The following RICTOR variants were observed in gnomAD, a reference collection of about 807,000 sequenced individuals.
The protein encoded by RICTOR is RPTOR independent companion of MTOR complex 2, also known as rapamycin-insensitive companion of mTOR.
In RICTOR, 49 loss-of-function variants were observed where a neutral mutation model predicts 214.9. The ratio of observed to expected loss-of-function variants is 0.23; its 90% CI spans 0.18 to 0.29. The LOEUF (loss-of-function observed/expected upper bound fraction) is 0.29. Ranked by LOEUF, RICTOR falls within the 10% of genes least tolerant of loss-of-function variation. RICTOR has a pLI of 1.00. For synonymous variants in RICTOR, 717 were observed against 711.3 expected (o/e 1.01, Z -0.13); for missense variants, 1,625 against 2,047.0 (o/e 0.79, Z 3.98).
intron 2 of RICTOR, among the ~76,000 whole-genome samples, chr5:39,048,228 G>C (rs1471948385): frequency 6.6e-6 from 1 of 152,050 alleles, no homozygotes; most frequent in Non-Finnish European, 1.5e-5. Context: ...AAAATCCCCA[G>C]GTGGTCCAAC....
chr5:39,010,512 C>T (rs1302736300), intron 3 of RICTOR, among the ~76,000 whole-genome samples: 1 of 152,060 alleles, frequency 6.6e-6, no homozygotes, highest in Non-Finnish European at 1.5e-5. Flanking sequence ...TTAGAGGGCT[C>T]AGAAGACAGA....
At chr5:39,028,452 G>C (rs1315208123) in intron 2 of RICTOR, among the ~76,000 whole-genome samples, 4 of 152,078 alleles carry the variant, frequency 2.6e-5, no homozygotes. Flanking sequence ...AAAGTGCTGG[G>C]ATTACAGGCG....
intron 4 of RICTOR, 24 bp downstream of exon 4, chr5:39,003,534 G>C: frequency 6.7e-7 from 1 of 1,485,436 alleles, no homozygotes; most frequent in Non-Finnish European, 9.4e-7. Context: ...AAAGGGATGG[G>C]AGGGGGGAAT....
intron 4 of RICTOR, 76 bp from the exon 5 acceptor site, chr5:39,002,742 T>C (rs1246697088): frequency 6.9e-7 from 1 of 1,443,142 alleles, no homozygotes; most frequent in Non-Finnish European, 9.4e-7. Flanking sequence ...ACCAAATTAT[T>C]CCTCAGCCAA....
chr5:39,038,837 A>G (rs541428389), intron 2 of RICTOR, among the ~76,000 whole-genome samples: 3 of 152,296 alleles, frequency 2.0e-5, no homozygotes, highest in Admixed American at 1.3e-4. Context: ...AAATGGAAGA[A>G]CATTCCATGC....
At position 38,967,321 on chromosome 5, in the gene RICTOR, T is replaced by A. The variant is rs769920536; in HGVS notation, c.1151+16A>T. 1.7e-5 allele frequency: 27 copies of A among 1,607,282 alleles called. No individual in the cohort carries two copies. The highest frequency in any genetic ancestry group is 2.2e-5 in the Non-Finnish European group (26 of 1,175,134). On this transcript the variant is annotated intron_variant, in intron 13 of 37. Coordinates refer to ENST00000357387, the MANE Select transcript of RICTOR (RefSeq NM_152756.5). The stretch of plus-strand genomic sequence containing the variant: ...GAATTCTAATAAATTGAAACCCTTT[T>A]TATTTTAAATTCTACCTGGATCTGG...
At chr5:38,992,740 G>A (rs1752879587) in intron 6 of RICTOR, among the ~76,000 whole-genome samples, 1 of 152,122 alleles carries the variant, frequency 6.6e-6, no homozygotes, top group African/African-American at 2.4e-5. Flanking sequence ...TAAATTGTGT[G>A]TAAATCAGAG....
rs145968564 is a variant in RICTOR at position 38,972,672 on chromosome 5, G to GT, written c.890-714dup. ...GCTGATGATGGGAGTATAAAATAGT[G>GT]TAAGTATTTTGGGAAAAAGTCTGGC... On this transcript the variant is annotated intron_variant, in intron 10 of 37. Coordinates refer to ENST00000357387, the MANE Select transcript of RICTOR (RefSeq NM_152756.5). Among the ~76,000 whole-genome samples the GT allele has an allele frequency of 7.6e-3, 1,163 of 152,202 alleles. 18 individuals carry two copies. Among genetic ancestry groups the GT allele is most frequent in the African/African-American group, 0.027 (1,105 of 41,540 alleles).
At chr5:39,070,821 A>G (rs1561090088) in intron 2 of RICTOR, among the ~76,000 whole-genome samples, 1 of 152,194 alleles carries the variant, frequency 6.6e-6, no homozygotes, top group South Asian at 2.1e-4. Context: ...TTGCAGTACA[A>G]ATGGCGAGAG....
chr5:38,944,768 TTAAC>T (rs1288665872), intron 35 of RICTOR, 141 bp downstream of exon 35: 3 of 863,650 alleles, frequency 3.5e-6, no homozygotes, highest in Non-Finnish European at 5.5e-6. Flanking sequence ...GGTGCAATAA[TTAAC>T]AGTGTTAAAT....
chr5:39,000,758 T>G (rs1440373224), intron 5 of RICTOR, among the ~76,000 whole-genome samples: 1 of 151,990 alleles, frequency 6.6e-6, no homozygotes, highest in African/African-American at 2.4e-5. Flanking sequence ...AACTGAAAAG[T>G]GAATTTGGCA....
At chr5:39,025,868 T>C (rs1019281645) in intron 2 of RICTOR, among the ~76,000 whole-genome samples, 1 of 152,212 alleles carries the variant, frequency 6.6e-6, no homozygotes, top group Non-Finnish European at 1.5e-5. Context: ...TTCAGTTCAT[T>C]GCACTGTTCC....
intron 20 of RICTOR, 140 bp downstream of exon 20, chr5:38,960,258 T>C: frequency 1.2e-6 from 1 of 865,888 alleles, no homozygotes; most frequent in Non-Finnish European, 1.8e-6. Context: ...ACTCTAGGTC[T>C]GGGATCATTT....
At chr5:38,971,352 G>A in intron 11 of RICTOR, 1 of 146,764 alleles carries the variant, frequency 6.8e-6, no homozygotes, top group Non-Finnish European at 1.5e-5. Context: ...TTTTAATACA[G>A]CCATTATTCC....
Position 38,959,944 on chromosome 5 carries a change from T to A in RICTOR, c.1886A>T (p.Asp629Val), listed in dbSNP as rs1749642572. Residue 629 changes from aspartate to valine, a missense_variant, in exon 21 of 38, where the codon GAT (aspartate) becomes GTT (valine). Coordinates refer to ENST00000357387, the MANE Select transcript of RICTOR (RefSeq NM_152756.5). ...GQGYLEDLVK[D>V]IVQWLNASSG... ...TGAAGCATTGAGCCACTGAACAATATCCTTTACTAGATCTTCTAAGTAGCC... is the reference window on the plus strand; with the variant it reads ...TGAAGCATTGAGCCACTGAACAATAACCTTTACTAGATCTTCTAAGTAGCC... The A allele has an allele frequency of 6.2e-7, 1 of 1,612,626 alleles. No individual in the cohort carries two copies. The highest frequency in any genetic ancestry group is 8.5e-7 in the Non-Finnish European group (1 of 1,178,826).
At chr5:39,012,547 G>A (rs1198702104) in intron 3 of RICTOR, among the ~76,000 whole-genome samples, 1 of 152,138 alleles carries the variant, frequency 6.6e-6, no homozygotes, top group East Asian at 1.9e-4. Flanking sequence ...TAATAATCAA[G>A]TTGCTAATTA....
chr5:39,011,956 AGGGCACATTT>A (rs1341867678), intron 3 of RICTOR, among the ~76,000 whole-genome samples: 2 of 152,140 alleles, frequency 1.3e-5, no homozygotes, highest in Admixed American at 1.3e-4. Context: ...GACTGTTGAA[AGGGCACATTT>A]GTGTTTTGAA....
In RICTOR at chr5:39,033,786, T is replaced by A. The variant is rs1756447140; in HGVS notation, c.98-12650A>T. ...ATTTGTACACTGAACCTCAGCAACA[T>A]GCAACTTAACCATATAACAAACCTG... On this transcript the variant is annotated intron_variant, in intron 2 of 37. Coordinates refer to ENST00000357387, the MANE Select transcript of RICTOR (RefSeq NM_152756.5). Among the ~76,000 whole-genome samples the A allele has an allele frequency of 1.3e-5, 2 of 152,142 alleles. 1 individual carries two copies. The highest frequency in any genetic ancestry group is 4.1e-4 in the South Asian group (2 of 4,822).
At chr5:39,002,897 G>A (rs1304085638) in intron 4 of RICTOR, among the ~76,000 whole-genome samples, 2 of 151,904 alleles carry the variant, frequency 1.3e-5, no homozygotes, top group Non-Finnish European at 2.9e-5. Flanking sequence ...TCAAGAAAAT[G>A]TTATTGAGTT....
Sources: gnomAD v4.1 joint callset for allele counts (sites outside exome capture counted in the v4.1 genomes callset) on GRCh38, gnomAD v4.1.1 for gene constraint, MANE v1.5 for transcripts, NCBI Gene and HGNC (gene_info 2026-07-23, HGNC 2026-07-21) for gene names.